The following TCF12 variants were observed in gnomAD, a reference collection of about 807,000 sequenced individuals.
TCF12 encodes the protein DNA-binding protein HTF4.
Under a neutral mutation model 86.0 loss-of-function variants are expected in TCF12, and 45 were observed. That is an observed-to-expected ratio of 0.52 (90% CI 0.41 to 0.67). TCF12 has a LOEUF of 0.67. TCF12 is among the 30% of genes least tolerant of loss of function. TCF12 has a pLI of 0.00. For missense variants in TCF12, 881 were observed against 859.9 expected (o/e 1.02, Z -0.31); for synonymous variants, 330 against 299.6 (o/e 1.10, Z -1.05).
chr15:57,128,642 A>G (rs1265337455), intron 5 of TCF12, among the ~76,000 whole-genome samples: 7 of 152,186 alleles, frequency 4.6e-5, no homozygotes, highest in African/African-American at 1.4e-4. Context: ...ATTTCTGAAC[A>G]TTTTGGTTAC....
At chr15:57,085,773 A>G (rs529288348) in intron 4 of TCF12, among the ~76,000 whole-genome samples, 159 of 152,236 alleles carry the variant, frequency 1.0e-3, no homozygotes, top group African/African-American at 3.7e-3. Context: ...TTGAAGCATA[A>G]ACACTTATTT....
intron 14 of TCF12, among the ~76,000 whole-genome samples, chr15:57,251,924 G>A (rs548075098): frequency 6.6e-6 from 1 of 152,236 alleles, no homozygotes; most frequent in Non-Finnish European, 1.5e-5. Context: ...AGTATATTGT[G>A]CAAATTATAC....
intron 3 of TCF12, among the ~76,000 whole-genome samples, chr15:57,000,424 C>T (rs1434134312): frequency 1.3e-5 from 2 of 151,716 alleles, no homozygotes; most frequent in African/African-American, 4.8e-5. Flanking sequence ...ATGAAGAAAT[C>T]TCAAAAGAAA....
intron 5 of TCF12, among the ~76,000 whole-genome samples, chr15:57,138,640 G>A (rs2052734481): frequency 2.0e-5 from 3 of 152,210 alleles, no homozygotes; most frequent in African/African-American, 7.2e-5. Context: ...GCAGCTGTTT[G>A]TTTTTAAAAT....
At chr15:57,226,090 C>G (rs1193645596) in intron 8 of TCF12, among the ~76,000 whole-genome samples, 1 of 142,194 alleles carries the variant, frequency 7.0e-6, no homozygotes, top group Non-Finnish European at 1.5e-5. Context: ...TTTTTGAATG[C>G]TGACTCTTAA....
At chr15:57,116,352 A>T (rs1056565715) in intron 5 of TCF12, among the ~76,000 whole-genome samples, 11 of 151,770 alleles carry the variant, frequency 7.2e-5, no homozygotes, top group Non-Finnish European at 1.3e-4. Context: ...TATATTTTTT[A>T]TTTTATTTTA....
In TCF12 at chr15:57,232,807, C is replaced by G; in HGVS notation, c.921C>G (p.Tyr307Ter). 1 of 1,612,416 alleles carries G rather than the reference C, an allele frequency of 6.2e-7. No homozygotes were observed. Among genetic ancestry groups the G allele is most frequent in the Non-Finnish European group, 8.5e-7 (1 of 1,179,214 alleles). Residue 307 changes from tyrosine to a stop codon, truncating the protein, a stop_gained, in exon 11 of 21, where the codon TAC becomes TAG. Coordinates refer to ENST00000333725, the MANE Select transcript of TCF12 (RefSeq NM_207037.2). LOFTEE classifies it high-confidence loss of function. ...GCGGCAGTACCAGCAGTTCACCTTA[C>G]GTTGCTGCCTCACACACTCCTCCCA... ...FHRGSTSSSP[Y>*]VAASHTPPIN...
At chr15:57,126,005 C>A (rs1169684020) in intron 5 of TCF12, among the ~76,000 whole-genome samples, 2 of 152,064 alleles carry the variant, frequency 1.3e-5, no homozygotes, top group Non-Finnish European at 2.9e-5. Context: ...CCAAGACAGG[C>A]AGATTGCATG....
At chr15:57,005,770 A>C (rs113328601) in intron 3 of TCF12, among the ~76,000 whole-genome samples, 1 of 151,950 alleles carries the variant, frequency 6.6e-6, no homozygotes, top group African/African-American at 2.4e-5. Context: ...GGGTCTCACT[A>C]TGCTGCCCAG....
At chr15:57,070,034 G>T (rs1259242125) in intron 4 of TCF12, among the ~76,000 whole-genome samples, 2 of 151,968 alleles carry the variant, frequency 1.3e-5, no homozygotes, top group Non-Finnish European at 2.9e-5. Flanking sequence ...TTTTTTCATT[G>T]ATTAAAAGGG....
chr15:57,186,794 A>G (rs2056689692), intron 6 of TCF12, among the ~76,000 whole-genome samples: 1 of 152,242 alleles, frequency 6.6e-6, no homozygotes, highest in Non-Finnish European at 1.5e-5. Context: ...ATGCAAGGAT[A>G]GTTTAGCCTA....
chr15:57,055,176 G>T (rs1036183716), intron 3 of TCF12, among the ~76,000 whole-genome samples: 1 of 152,030 alleles, frequency 6.6e-6, no homozygotes, highest in Non-Finnish European at 1.5e-5. Flanking sequence ...CGAAGCAGGC[G>T]AATCAAGCCG....
Position 57,081,855 on chromosome 15 carries a change from C to T in TCF12, c.223-9934C>T, listed in dbSNP as rs372004676. On this transcript the variant is annotated intron_variant, in intron 4 of 20. Transcript: ENST00000333725. ...AAGTGCTGAGATTATAGGCAAAAGC[C>T]ACTGCACCCGGCCCATGCTATTATG... 3.7e-4 allele frequency among the ~76,000 whole-genome samples: 56 copies of T among 152,280 alleles called. No homozygotes were observed. The East Asian group carries it at 8.9e-3, about 24-fold the overall frequency.
At chr15:57,280,400 T>A (rs1302609885) in intron 19 of TCF12, among the ~76,000 whole-genome samples, 1 of 152,238 alleles carries the variant, frequency 6.6e-6, no homozygotes, top group Admixed American at 6.5e-5. Context: ...TATGTCTTTC[T>A]AAATACAGGG....
At chr15:57,195,139 G>T (rs1197265952) in intron 7 of TCF12, among the ~76,000 whole-genome samples, 1 of 152,114 alleles carries the variant, frequency 6.6e-6, no homozygotes, top group Non-Finnish European at 1.5e-5. Context: ...CTGACCTCAA[G>T]TGGTCCTCCT....
chr15:57,261,629 A>C (rs2441922), intron 16 of TCF12, among the ~76,000 whole-genome samples: 1 of 152,102 alleles, frequency 6.6e-6, no homozygotes, highest in Admixed American at 6.6e-5. Context: ...AAGTTTTTTT[A>C]TGTAAGTTAA....
At chr15:57,238,483 G>A (rs1010999318) in intron 12 of TCF12, among the ~76,000 whole-genome samples, 10 of 152,106 alleles carry the variant, frequency 6.6e-5, no homozygotes, top group Admixed American at 2.6e-4. Flanking sequence ...CTAATTCCCA[G>A]AAATAGTGAA....
chr15:56,980,464 A>G (rs547808173), intron 3 of TCF12, among the ~76,000 whole-genome samples: 104 of 152,296 alleles, frequency 6.8e-4, no homozygotes, highest in African/African-American at 2.3e-3. Context: ...TGGCCCCACA[A>G]TACATTGAGG....
chr15:57,190,598 T>C (rs370677071), intron 6 of TCF12, among the ~76,000 whole-genome samples: 11 of 152,200 alleles, frequency 7.2e-5, no homozygotes, highest in African/African-American at 2.4e-4. Context: ...CTTTCAAGTC[T>C]CTGTGATCCT....
Sources: gnomAD v4.1 joint callset for allele counts (sites outside exome capture counted in the v4.1 genomes callset) on GRCh38, gnomAD v4.1.1 for gene constraint, MANE v1.5 for transcripts, NCBI Gene and HGNC (gene_info 2026-07-23, HGNC 2026-07-21) for gene names.